GPC5: variants seen among roughly 807,000 people sequenced by gnomAD.
The protein encoded by GPC5 is glypican-5.
In GPC5, 47 loss-of-function variants were observed where a neutral mutation model predicts 53.9. The ratio of observed to expected loss-of-function variants is 0.87; its 90% confidence interval spans 0.69 to 1.11. The LOEUF (loss-of-function observed/expected upper bound fraction) is 1.11. GPC5 is among the 50% of genes most tolerant of loss of function. The probability of loss-of-function intolerance (pLI) is 0.00; values close to 1 mark genes in which losing one functional copy is unlikely to be tolerated. For synonymous variants in GPC5, 286 were observed against 263.3 expected (o/e 1.09, Z -0.84); for missense variants, 748 against 713.1 (o/e 1.05, Z -0.56).
intron 2 of GPC5, among the ~76,000 whole-genome samples, chr13:91,577,233 G>A (rs1381207900): frequency 6.6e-6 from 1 of 152,150 alleles, no homozygotes. Context: ...GAAGTAGTTG[G>A]GTCTTTGGGA....
chr13:91,914,081 A>T (rs986336777), intron 6 of GPC5, among the ~76,000 whole-genome samples: 6 of 152,186 alleles, frequency 3.9e-5, no homozygotes, highest in African/African-American at 1.4e-4. Context: ...ATGTTTGTTT[A>T]TGGCAAAGTT....
chr13:92,561,601 T>C (rs1195958143), intron 7 of GPC5, among the ~76,000 whole-genome samples: 3 of 152,182 alleles, frequency 2.0e-5, no homozygotes, highest in Admixed American at 6.6e-5. Flanking sequence ...TGGTCATAAA[T>C]AGAGAAATTT....
chr13:91,450,653 A>C (rs185461369), intron 2 of GPC5, among the ~76,000 whole-genome samples: 1 of 152,322 alleles, frequency 6.6e-6, no homozygotes, highest in East Asian at 1.9e-4. Flanking sequence ...TTGAAGTGTC[A>C]GCTAATTTTA....
intron 7 of GPC5, among the ~76,000 whole-genome samples, chr13:92,503,480 T>A (rs1168036963): frequency 1.3e-5 from 2 of 151,264 alleles, no homozygotes; most frequent in East Asian, 3.9e-4. Flanking sequence ...TTATCTAAGA[T>A]TCCATCTAGA....
intron 6 of GPC5, among the ~76,000 whole-genome samples, chr13:92,008,289 C>G (rs1236770854): frequency 6.6e-6 from 1 of 152,036 alleles, no homozygotes; most frequent in African/African-American, 2.4e-5. Flanking sequence ...GTCTGGATCT[C>G]CTGACCTCGT....
intron 5 of GPC5, among the ~76,000 whole-genome samples, chr13:91,833,241 G>A (rs1456605454): frequency 6.6e-6 from 1 of 152,050 alleles, no homozygotes; most frequent in African/African-American, 2.4e-5. Context: ...CTGAAATTAA[G>A]GCAGCAATTA....
At chr13:91,879,104 C>A (rs1594636266) in intron 5 of GPC5, among the ~76,000 whole-genome samples, 1 of 151,898 alleles carries the variant, frequency 6.6e-6, no homozygotes, top group Non-Finnish European at 1.5e-5. Flanking sequence ...TGAAAAAAAA[C>A]TATTATCATG....
rs192942315 is a variant in GPC5 at position 92,465,294 on chromosome 13, A to G, written c.1561+320305A>G. Among the ~76,000 whole-genome samples, 228 of 151,900 alleles carry G rather than the reference A, an allele frequency of 1.5e-3. 1 individual carries two copies. Among genetic ancestry groups the G allele is most frequent in the African/African-American group, 5.3e-3 (219 of 41,300 alleles). On this transcript the variant is annotated intron_variant, in intron 7 of 7. Transcript: ENST00000377067. The stretch of plus-strand genomic sequence containing the variant: ...TAGAAGCATTTTATGCAGCTATCCA[A>G]AATTCAAGAAATTCTATTGGAATAT...
intron 5 of GPC5, among the ~76,000 whole-genome samples, chr13:91,843,286 T>G (rs1463864079): frequency 6.6e-6 from 1 of 152,184 alleles, no homozygotes; most frequent in Non-Finnish European, 1.5e-5. Context: ...AATGGAGATA[T>G]AAACATGTAT....
intron 7 of GPC5, chr13:92,447,251 C>A (rs1230549401): frequency 6.6e-6 from 1 of 152,018 alleles, no homozygotes; most frequent in Non-Finnish European, 1.5e-5. Context: ...TTCTTTTAGT[C>A]ATTTCACAGT....
intron 5 of GPC5, among the ~76,000 whole-genome samples, chr13:91,782,193 A>C (rs919833970): frequency 6.6e-6 from 1 of 152,198 alleles, no homozygotes; most frequent in South Asian, 2.1e-4. Context: ...GTTGCCATCC[A>C]GTGGCAGCAG....
At chr13:91,657,030 A>G (rs1168923448) in intron 2 of GPC5, among the ~76,000 whole-genome samples, 1 of 152,150 alleles carries the variant, frequency 6.6e-6, no homozygotes, top group Non-Finnish European at 1.5e-5. Flanking sequence ...TGGGAAAGTT[A>G]CTAAATATAT....
At chr13:92,753,649 C>G (rs1416534058) in intron 7 of GPC5, among the ~76,000 whole-genome samples, 1 of 151,992 alleles carries the variant, frequency 6.6e-6, no homozygotes, top group Admixed American at 6.6e-5. Flanking sequence ...GCTGATGGAG[C>G]TGAAAACCAA....
chr13:91,633,784 G>T (rs2139437169), intron 2 of GPC5, among the ~76,000 whole-genome samples: 1 of 152,266 alleles, frequency 6.6e-6, no homozygotes, highest in East Asian at 1.9e-4. Flanking sequence ...CATGAGGAAT[G>T]AAATCTACTA....
chr13:92,838,342 G>C (rs1448711149), intron 7 of GPC5, among the ~76,000 whole-genome samples: 1 of 151,738 alleles, frequency 6.6e-6, no homozygotes, highest in African/African-American at 2.4e-5. Context: ...AAATTAGCTG[G>C]GCGTGGTGGT....
intron 7 of GPC5, among the ~76,000 whole-genome samples, chr13:92,196,626 C>T (rs1161903353): frequency 1.3e-5 from 2 of 152,184 alleles, no homozygotes; most frequent in African/African-American, 2.4e-5. Flanking sequence ...TTTCCTATGG[C>T]CCCTCTGTTC....
At chr13:91,610,738 G>A (rs568108990) in intron 2 of GPC5, among the ~76,000 whole-genome samples, 17 of 152,194 alleles carry the variant, frequency 1.1e-4, no homozygotes, top group African/African-American at 2.9e-4. Flanking sequence ...TGTGACGAAC[G>A]GTAAATTTCT....
At chr13:91,488,601 A>G (rs1883749507) in intron 2 of GPC5, among the ~76,000 whole-genome samples, 1 of 152,196 alleles carries the variant, frequency 6.6e-6, no homozygotes, top group Non-Finnish European at 1.5e-5. Flanking sequence ...CCACTTCCCC[A>G]ATCAATACCC....
chr13:91,930,103 A>T (rs1250549654), intron 6 of GPC5, among the ~76,000 whole-genome samples: 2 of 152,080 alleles, frequency 1.3e-5, no homozygotes, highest in Non-Finnish European at 2.9e-5. Flanking sequence ...TTTGTTCAAA[A>T]ATTACAAAGA....
Sources: gnomAD v4.1 joint callset for allele counts (sites outside exome capture counted in the v4.1 genomes callset) on GRCh38, gnomAD v4.1.1 for gene constraint, MANE v1.5 for transcripts, NCBI Gene and HGNC (gene_info 2026-07-23, HGNC 2026-07-21) for gene names.